The following ANO6 variants were observed in gnomAD, a reference collection of about 807,000 sequenced individuals.
ANO6 encodes anoctamin 6.
Under a neutral mutation model 117.5 loss-of-function variants are expected in ANO6, and 106 were observed. The observed-to-expected ratio is 0.90, with a 90% confidence interval of 0.77 to 1.06. The LOEUF (loss-of-function observed/expected upper bound fraction) is 1.06, where lower values mean the gene tolerates loss of function less well. Ranked by LOEUF, ANO6 falls within the 50% of genes least tolerant of loss-of-function variation. The pLI is 0.00. For synonymous variants in ANO6, 367 were observed against 385.1 expected (o/e 0.95, Z 0.55); for missense variants, 955 against 1,121.1 (o/e 0.85, Z 2.12).
intron 2 of ANO6, among the ~76,000 whole-genome samples, chr12:45,318,391 C>T (rs1368073882): frequency 3.3e-5 from 5 of 152,182 alleles, no homozygotes; most frequent in Non-Finnish European, 7.3e-5. Flanking sequence ...ATCCTTTCCC[C>T]ATTGCTTGTT....
intron 1 of ANO6, among the ~76,000 whole-genome samples, chr12:45,257,703 AGTTTGT>A (rs1937885950): frequency 6.6e-6 from 1 of 152,000 alleles, no homozygotes; most frequent in Admixed American, 6.5e-5. Context: ...CATCTCTCTT[AGTTTGT>A]GTTTCAGCCT....
chr12:45,283,026 G>T (rs1468288353), intron 1 of ANO6, among the ~76,000 whole-genome samples: 1 of 152,188 alleles, frequency 6.6e-6, no homozygotes, highest in Admixed American at 6.5e-5. Flanking sequence ...CCCTAAAGTA[G>T]AAGCATACTA....
At chr12:45,285,393 A>G (rs1938875052) in intron 1 of ANO6, among the ~76,000 whole-genome samples, 5 of 152,244 alleles carry the variant, frequency 3.3e-5, no homozygotes, top group African/African-American at 1.2e-4. Flanking sequence ...AGAAAACAGC[A>G]TAGATTCAAG....
chr12:45,395,600 C>T (rs1286869366), intron 12 of ANO6, among the ~76,000 whole-genome samples: 1 of 152,218 alleles, frequency 6.6e-6, no homozygotes, highest in Non-Finnish European at 1.5e-5. Context: ...CAATAAAATA[C>T]TGGCAAACCG....
At chr12:45,378,496 A>G (rs1480062039) in intron 10 of ANO6, among the ~76,000 whole-genome samples, 3 of 152,066 alleles carry the variant, frequency 2.0e-5, no homozygotes, top group Non-Finnish European at 2.9e-5. Context: ...TCTGCTCCAC[A>G]TGGTGTCTCA....
intron 7 of ANO6, among the ~76,000 whole-genome samples, chr12:45,353,633 C>A (rs1349315594): frequency 6.6e-6 from 1 of 152,162 alleles, no homozygotes; most frequent in East Asian, 1.9e-4. Flanking sequence ...ATCTATGGTT[C>A]CCAGGGATTA....
At chr12:45,322,724 C>G (rs1940322410) in intron 2 of ANO6, among the ~76,000 whole-genome samples, 1 of 152,052 alleles carries the variant, frequency 6.6e-6, no homozygotes, top group South Asian at 2.1e-4. Flanking sequence ...GTAACTGCCT[C>G]AGAGGTAGAG....
intron 1 of ANO6, among the ~76,000 whole-genome samples, chr12:45,261,820 T>TA (rs777124152): frequency 2.0e-5 from 3 of 152,222 alleles, no homozygotes; most frequent in Non-Finnish European, 4.4e-5. Flanking sequence ...AAAGCATACT[T>TA]ACGGTGCATC....
intron 1 of ANO6, among the ~76,000 whole-genome samples, chr12:45,279,919 T>C (rs986324332): frequency 2.6e-5 from 4 of 152,238 alleles, no homozygotes; most frequent in Non-Finnish European, 4.4e-5. Flanking sequence ...CAAAGTCAGG[T>C]AAAATTGCAA....
At chr12:45,327,285 A>T (rs990939824) in intron 2 of ANO6, among the ~76,000 whole-genome samples, 1 of 152,228 alleles carries the variant, frequency 6.6e-6, no homozygotes, top group African/African-American at 2.4e-5. Flanking sequence ...TGGGAAAAGT[A>T]GAAAACACTG....
intron 9 of ANO6, among the ~76,000 whole-genome samples, chr12:45,368,917 G>A (rs1941753207): frequency 6.6e-6 from 1 of 152,116 alleles, no homozygotes; most frequent in African/African-American, 2.4e-5. Context: ...CATTTTTACA[G>A]CGTAAAATAC....
In ANO6 at chr12:45,234,252, G is replaced by C. The variant is rs558300892; in HGVS notation, c.70+17861G>C. On this transcript the variant is annotated intron_variant, in intron 1 of 19. Transcript: ENST00000320560. ...ATTGTCCTGCTGTAATTGTGAAACT[G>C]AACTGCACATTCATTCTGAGGATTA... Among the ~76,000 whole-genome samples the C allele has an allele frequency of 5.9e-5, 9 of 152,296 alleles. No homozygotes were observed. The South Asian group carries it at 1.9e-3, about 32-fold the overall frequency.
chr12:45,338,094 T>A (rs773585891), intron 3 of ANO6, among the ~76,000 whole-genome samples: 19 of 152,130 alleles, frequency 1.2e-4, no homozygotes, highest in Non-Finnish European at 2.5e-4. Context: ...TGTTCAGAAG[T>A]TAGAGATCAG....
chr12:45,406,444 C>T (rs1192394672), intron 15 of ANO6, among the ~76,000 whole-genome samples: 1 of 152,106 alleles, frequency 6.6e-6, no homozygotes, highest in Non-Finnish European at 1.5e-5. Context: ...AACAAAATGT[C>T]AGAGATAATA....
chr12:45,409,409 A>C lies in ANO6; in HGVS notation c.1933A>C (p.Ile645Leu), dbSNP rs1281979985. The change falls in exon 16 of 20, where the codon ATA (isoleucine) becomes CTA (leucine). Residue 645 changes from isoleucine to leucine, a missense_variant. Transcript: ENST00000320560. ...TCACAGAGTTTCTGGATCAGAAAAG[A>C]TAACCCCACGATGGGAACAGGACTA... ...RFHRVSGSEK[I>L]TPRWEQDYHL... 1 of 1,614,100 alleles carries C rather than the reference A, an allele frequency of 6.2e-7. No homozygotes were observed. Among genetic ancestry groups the C allele is most frequent in the South Asian group, 1.1e-5 (1 of 91,084 alleles).
chr12:45,398,352 C>T (rs1363472699), intron 12 of ANO6, among the ~76,000 whole-genome samples: 1 of 152,150 alleles, frequency 6.6e-6, no homozygotes, highest in Admixed American at 6.5e-5. Context: ...GATTTTTCAC[C>T]TCTTGAATGA....
intron 17 of ANO6, among the ~76,000 whole-genome samples, chr12:45,418,717 T>G (rs1943277070): frequency 6.6e-6 from 1 of 152,208 alleles, no homozygotes; most frequent in African/African-American, 2.4e-5. Flanking sequence ...GATTGGCTGT[T>G]TCCAAGGCGA....
rs1474394262 is a variant in ANO6, at chr12:45,388,309, C to T, written c.1308+6C>T. On this transcript the variant is annotated splice_donor_region_variant and intron_variant, in intron 11 of 19. Coordinates refer to ENST00000320560, the MANE Select transcript of ANO6 (RefSeq NM_001025356.3). ...TGATAAATGAGATTACTCAGGTAAGCAGGGTCGTATTTAGGTGCAGTTTAA... is the reference window on the plus strand; with the variant it reads ...TGATAAATGAGATTACTCAGGTAAGTAGGGTCGTATTTAGGTGCAGTTTAA... The T allele has an allele frequency of 1.2e-6, 2 of 1,613,844 alleles. No individual in the cohort carries two copies. The highest frequency in any genetic ancestry group is 2.2e-5 in the East Asian group (1 of 44,868).
At position 45,225,369 on chromosome 12, in the gene ANO6, C is replaced by T. The variant is rs114974778; in HGVS notation, c.70+8978C>T. On this transcript the variant is annotated intron_variant, in intron 1 of 19. Transcript: ENST00000320560. The stretch of plus-strand genomic sequence containing the variant: ...TTGTATTTTAGCTGTACATCTTAAC[C>T]AAAAACACTCGTCTTGAAGCGGGGA... 6.0e-3 allele frequency among the ~76,000 whole-genome samples: 919 copies of T among 152,150 alleles called. 12 individuals carry two copies. Among genetic ancestry groups the T allele is most frequent in the African/African-American group, 0.021 (866 of 41,506 alleles).
Sources: gnomAD v4.1 joint callset for allele counts (sites outside exome capture counted in the v4.1 genomes callset) on GRCh38, gnomAD v4.1.1 for gene constraint, MANE v1.5 for transcripts, NCBI Gene and HGNC (gene_info 2026-07-23, HGNC 2026-07-21) for gene names.